PCDH15: variants seen among roughly 807,000 people sequenced by gnomAD.
PCDH15 encodes the protein protocadherin related 15.
PCDH15 carries 129 observed loss-of-function variants against 178.5 expected under a neutral mutation model. That is an observed-to-expected ratio of 0.72 (90% CI 0.63 to 0.84). PCDH15 has a LOEUF of 0.84. Ranked by LOEUF, PCDH15 falls within the 40% of genes least tolerant of loss-of-function variation. The pLI is 0.00. For synonymous variants in PCDH15, 800 were observed against 732.0 expected (o/e 1.09, Z -1.50); for missense variants, 2,230 against 2,099.9 (o/e 1.06, Z -1.21).
intron 2 of PCDH15, among the ~76,000 whole-genome samples, chr10:55,049,373 C>A (rs1331991337): frequency 6.6e-6 from 1 of 151,718 alleles, no homozygotes; most frequent in African/African-American, 2.4e-5. Flanking sequence ...TCAAATATTT[C>A]CTTCTCGGAA....
chr10:54,631,543 G>A (rs1937395), intron 2 of PCDH15, among the ~76,000 whole-genome samples: 30,135 of 151,900 alleles, frequency 0.2, 3,250 homozygotes, highest in East Asian at 0.39. Context: ...CAGCATTTAC[G>A]TGACTAGGGA....
At chr10:55,102,446 T>G (rs1170851334) in intron 2 of PCDH15, among the ~76,000 whole-genome samples, 1 of 152,130 alleles carries the variant, frequency 6.6e-6, no homozygotes, top group Non-Finnish European at 1.5e-5. Flanking sequence ...TACATACTTA[T>G]GATAAAATTT....
intron 2 of PCDH15, among the ~76,000 whole-genome samples, chr10:55,501,567 G>T (rs1348357835): frequency 6.6e-6 from 1 of 151,624 alleles, no homozygotes; most frequent in Non-Finnish European, 1.5e-5. Context: ...CCCCTTGATG[G>T]TTATATAGTG....
At chr10:55,503,886 G>A (rs1406111593) in intron 2 of PCDH15, among the ~76,000 whole-genome samples, 2 of 151,308 alleles carry the variant, frequency 1.3e-5, no homozygotes, top group African/African-American at 4.8e-5. Context: ...GTATGATTCC[G>A]CGACCAAGGA....
rs1215735911 is a variant in PCDH15 at position 54,301,961 on chromosome 10, T to C, written c.876+15310A>G. 6.6e-5 allele frequency among the ~76,000 whole-genome samples: 10 copies of C among 152,342 alleles called. No individual in the cohort carries two copies. The East Asian group carries it at 1.7e-3, about 26-fold the overall frequency. On this transcript the variant is annotated intron_variant, in intron 8 of 37. Transcript: ENST00000644397. ...AGAAATACTGCAGTGGTGGTTATAG[T>C]GACTACACTGTGGTTGCTGGCTGTT...
At chr10:54,404,057 T>G (rs1331627257) in intron 3 of PCDH15, among the ~76,000 whole-genome samples, 1 of 152,040 alleles carries the variant, frequency 6.6e-6, no homozygotes. Context: ...AATTCATAGA[T>G]TCAATGTTAT....
chr10:55,124,270 C>A (rs1837845055), intron 2 of PCDH15, among the ~76,000 whole-genome samples: 1 of 152,068 alleles, frequency 6.6e-6, no homozygotes, highest in Non-Finnish European at 1.5e-5. Flanking sequence ...CATAGTGTAT[C>A]TCCTGGTCAT....
intron 2 of PCDH15, among the ~76,000 whole-genome samples, chr10:55,570,092 T>TA (rs1842378048): frequency 6.6e-6 from 1 of 152,014 alleles, no homozygotes; most frequent in Non-Finnish European, 1.5e-5. Context: ...CTTAAATTCT[T>TA]ACAGTTAGTT....
At chr10:54,535,696 C>G (rs536884594) in intron 2 of PCDH15, among the ~76,000 whole-genome samples, 1 of 108,228 alleles carries the variant, frequency 9.2e-6, no homozygotes, top group African/African-American at 3.7e-5. Flanking sequence ...GCAGACAGAG[C>G]GAGACTCCAC....
Position 54,066,834 on chromosome 10 carries a change from G to C in PCDH15, c.2143C>G (p.Pro715Ala). ...IVVTDVNDNA[P>A]VFDPYLPRNL... ...CTTGGCAGATAAGGATCAAACACTG[G>C]AGCATTGTCATTGACATCTGTCACC... The change falls in exon 18 of 38, where the codon CCA becomes GCA. Residue 715 changes from proline to alanine, a missense_variant. Transcript: ENST00000644397. 2 of 1,613,320 alleles carry C rather than the reference G, an allele frequency of 1.2e-6. No individual in the cohort carries two copies. Among genetic ancestry groups the C allele is most frequent in the Non-Finnish European group, 1.7e-6 (2 of 1,179,514 alleles).
chr10:53,825,950 A>G (rs1292548777), intron 32 of PCDH15, among the ~76,000 whole-genome samples: 14 of 151,664 alleles, frequency 9.2e-5, no homozygotes, highest in Admixed American at 9.2e-4. Flanking sequence ...TGCTGATTCC[A>G]GATGATGTTA....
intron 16 of PCDH15, among the ~76,000 whole-genome samples, chr10:54,087,684 G>A (rs1419736900): frequency 1.3e-4 from 20 of 152,244 alleles, no homozygotes; most frequent in African/African-American, 4.1e-4. Context: ...TGGCTTATGC[G>A]GTAATTCTGT....
At chr10:55,474,579 A>G (rs942543532) in intron 2 of PCDH15, among the ~76,000 whole-genome samples, 1 of 152,144 alleles carries the variant, frequency 6.6e-6, no homozygotes, top group African/African-American at 2.4e-5. Context: ...TAATTCTCAA[A>G]ATATAAGTTA....
chr10:54,698,154 A>T (rs2095261238), intron 1 of PCDH15, among the ~76,000 whole-genome samples: 1 of 152,172 alleles, frequency 6.6e-6, no homozygotes, highest in African/African-American at 2.4e-5. Context: ...TTAAGAAAGA[A>T]AGTTTACATT....
chr10:54,882,302 C>T (rs2131807248), intron 3 of PCDH15, among the ~76,000 whole-genome samples: 1 of 152,046 alleles, frequency 6.6e-6, no homozygotes, highest in Non-Finnish European at 1.5e-5. Flanking sequence ...TAGAGTTTCC[C>T]ATTGTTACCT....
chr10:53,806,890 G>GTTTC lies in PCDH15; in HGVS notation c.4908_4911dup (p.Leu1638GlufsTer10). 2 of 1,613,854 alleles carry GTTTC rather than the reference G, an allele frequency of 1.2e-6. No homozygotes were observed. The highest frequency in any genetic ancestry group is 1.7e-6 in the Non-Finnish European group (2 of 1,179,820). On this transcript the variant is annotated frameshift_variant, in exon 38 of 38. Coordinates refer to ENST00000644397, the MANE Select transcript of PCDH15 (RefSeq NM_001384140.1). LOFTEE classifies it high-confidence loss of function. ...TCATGTGTCACTGCCAACTTGTCTA[G>GTTTC]TTTCTTAAAGGGCCCTCCCAGTCGA... is the stretch of plus-strand genomic sequence containing the variant.
chr10:54,518,214 T>A (rs369570769), intron 3 of PCDH15, among the ~76,000 whole-genome samples: 34 of 151,530 alleles, frequency 2.2e-4, no homozygotes, highest in Non-Finnish European at 1.3e-4. Flanking sequence ...CTAAAATCAG[T>A]GCAGAACTGA....
At chr10:53,898,593 G>A (rs1193265519) in intron 26 of PCDH15, among the ~76,000 whole-genome samples, 13 of 152,076 alleles carry the variant, frequency 8.5e-5, no homozygotes, top group Non-Finnish European at 1.8e-4. Flanking sequence ...GTGCACTTTT[G>A]ATACAATTCA....
intron 2 of PCDH15, among the ~76,000 whole-genome samples, chr10:54,642,920 A>AT (rs2094025049): frequency 6.6e-6 from 1 of 151,976 alleles, no homozygotes; most frequent in East Asian, 1.9e-4. Context: ...TGGTGATAAA[A>AT]TTAGTTTTGT....
Sources: allele counts gnomAD v4.1 joint callset (sites outside exome capture counted in the v4.1 genomes callset), GRCh38; gene constraint gnomAD v4.1.1; transcripts MANE v1.5; gene names NCBI Gene and HGNC (gene_info 2026-07-23, HGNC 2026-07-21).